The following TRPA1 variants were observed in gnomAD, a reference collection of about 807,000 sequenced individuals.
TRPA1 encodes ankyrin-like with transmembrane domains 1.
TRPA1 carries 129 observed loss-of-function variants against 131.3 expected under a neutral mutation model. That is an observed-to-expected ratio of 0.98 (90% CI 0.85 to 1.14). TRPA1 has a LOEUF of 1.14. TRPA1 is among the 50% of genes most tolerant of loss of function. The pLI, the probability that TRPA1 is intolerant of heterozygous loss-of-function variation, is 0.00. For missense variants in TRPA1, 1,304 were observed against 1,354.2 expected, an observed-to-expected ratio of 0.96 and a Z score of 0.58; for synonymous variants, 441 against 451.7, an observed-to-expected ratio of 0.98 and a Z score of 0.30.
intron 24 of TRPA1, among the ~76,000 whole-genome samples, chr8:72,026,346 C>T (rs1006012099): frequency 5.9e-5 from 9 of 152,206 alleles, no homozygotes; most frequent in African/African-American, 1.9e-4. Flanking sequence ...CAATTTTAGT[C>T]ACTTGCTGTT....
chr8:72,061,734 C>A lies in TRPA1; in HGVS notation c.835G>T (p.Ala279Ser), dbSNP rs1189203281. ...EKGRCTAIHF[A>S]ATQGATEIVK... ...ATCTCAGTGGCTCCCTGGGTGGCAG[C>A]AAAATGAATGGCTGTGCACCTTCCC... is the stretch of plus-strand genomic sequence containing the variant. The change falls in exon 7 of 27, where the codon GCT becomes TCT. Residue 279 changes from alanine to serine, a missense_variant. Coordinates refer to ENST00000262209, the MANE Select transcript of TRPA1 (RefSeq NM_007332.3). 1 of 1,613,852 alleles carries A rather than the reference C, an allele frequency of 6.2e-7. No homozygotes were observed. Among genetic ancestry groups the A allele is most frequent in the African/African-American group, 1.3e-5 (1 of 74,898 alleles).
chr8:72,075,660 G>T (rs13269625), upstream of TRPA1: 1 of 532,382 alleles, frequency 1.9e-6, no homozygotes, highest in Non-Finnish European at 3.4e-6. Flanking sequence ...GAAACGCGGA[G>T]CTCCTTCGCA....
chr8:72,038,508 G>A (rs1002490080), intron 19 of TRPA1, among the ~76,000 whole-genome samples: 3 of 151,948 alleles, frequency 2.0e-5, no homozygotes, highest in Non-Finnish European at 4.4e-5. Flanking sequence ...CATCTTGGAT[G>A]GAAACCACAT....
At chr8:72,054,705 G>A (rs902052059) in intron 12 of TRPA1, 3 of 152,308 alleles carry the variant, frequency 2.0e-5, no homozygotes, top group African/African-American at 7.2e-5. Context: ...ATTCATTCAT[G>A]TAGCTGTAGC....
chr8:72,076,163 G>A (rs1163832016), upstream of TRPA1, among the ~76,000 whole-genome samples: 1 of 152,092 alleles, frequency 6.6e-6, no homozygotes, highest in African/African-American at 2.4e-5. Flanking sequence ...TGAATATCAG[G>A]TCTCATTTCC....
At chr8:72,041,373 T>A (rs1303984954) in intron 17 of TRPA1, 1 of 151,958 alleles carries the variant, frequency 6.6e-6, no homozygotes, top group African/African-American at 2.4e-5. Context: ...CTAACAGACA[T>A]ACACAGAACA....
Position 72,023,043 on chromosome 8 carries a change from T to C in TRPA1, c.3223A>G (p.Ile1075Val), listed in dbSNP as rs1486971786. The change falls in exon 27 of 27, where the codon ATC becomes GTC. Residue 1075 changes from isoleucine (I) to valine (V), a missense_variant. Coordinates refer to ENST00000262209, the MANE Select transcript of TRPA1 (RefSeq NM_007332.3). ...IKLIIQKMEI[I>V]SETEDDDSHC... ...CTATCATCATCCTCTGTCTCAGAGA[T>C]GATCTCCATCTTCTGAATGATCAGT... The C allele has an allele frequency of 1.9e-6, 3 of 1,613,836 alleles. No individual in the cohort carries two copies. Among genetic ancestry groups the C allele is most frequent in the South Asian group, 1.1e-5 (1 of 91,076 alleles).
At chr8:72,082,882 A>T in the TRPA1 span, among the ~76,000 whole-genome samples, 1 of 151,654 alleles carries the variant, frequency 6.6e-6, no homozygotes, top group Non-Finnish European at 1.5e-5. Flanking sequence ...TAATTTCTTC[A>T]AATAATTTTT....
chr8:72,083,472 C>T, the TRPA1 span, among the ~76,000 whole-genome samples: 3 of 151,998 alleles, frequency 2.0e-5, no homozygotes, highest in Non-Finnish European at 2.9e-5. Context: ...CAGTGGCTCA[C>T]GCCTGTAATC....
chr8:72,056,763 T>G (rs1343523015), intron 10 of TRPA1, among the ~76,000 whole-genome samples, 154 bp downstream of exon 10: 1 of 152,168 alleles, frequency 6.6e-6, no homozygotes, highest in Non-Finnish European at 1.5e-5. Context: ...CATCACCATG[T>G]TGTAACTAAA....
upstream of TRPA1, among the ~76,000 whole-genome samples, chr8:72,077,196 G>A (rs182141333): frequency 8.7e-4 from 132 of 151,656 alleles, no homozygotes; most frequent in African/African-American, 3.0e-3. Flanking sequence ...GAGGATGTTC[G>A]AAGTGATCAT....
intron 17 of TRPA1, among the ~76,000 whole-genome samples, chr8:72,045,855 A>G (rs1246253867): frequency 1.3e-5 from 2 of 152,014 alleles, no homozygotes; most frequent in Non-Finnish European, 2.9e-5. Context: ...ACATAAAAGC[A>G]TCTTTTTAAA....
upstream of TRPA1, among the ~76,000 whole-genome samples, chr8:72,077,300 G>T (rs903088534): frequency 7.6e-6 from 1 of 131,674 alleles, no homozygotes; most frequent in African/African-American, 2.8e-5. Context: ...TGGGGGGGGG[G>T]GCAGCGTGGG....
At chr8:72,076,585 A>AC (rs1585897920), upstream of TRPA1, 1 of 151,892 alleles carries the variant, frequency 6.6e-6, no homozygotes, top group Non-Finnish European at 1.5e-5. Flanking sequence ...TTAACTCAAG[A>AC]CCCCCGTGGA....
chr8:72,030,774 A>G (rs1470411175), intron 23 of TRPA1, among the ~76,000 whole-genome samples: 5 of 151,908 alleles, frequency 3.3e-5, no homozygotes, highest in Admixed American at 2.6e-4. Flanking sequence ...TATATCTTAC[A>G]TATGTTCAGA....
At chr8:72,060,785 C>T (rs909419120) in intron 7 of TRPA1, among the ~76,000 whole-genome samples, 1 of 151,400 alleles carries the variant, frequency 6.6e-6, no homozygotes, top group Non-Finnish European at 1.5e-5. Context: ...TTTCCATTCA[C>T]ACATATCCTA....
intron 1 of TRPA1, among the ~76,000 whole-genome samples, chr8:72,074,081 T>C (rs1806122611): frequency 6.6e-6 from 1 of 152,222 alleles, no homozygotes; most frequent in Admixed American, 6.5e-5. Context: ...ACATACCTCT[T>C]GACCCTGCTA....
the TRPA1 span, among the ~76,000 whole-genome samples, chr8:72,081,751 G>C: frequency 6.6e-6 from 1 of 151,210 alleles, no homozygotes; most frequent in African/African-American, 2.4e-5. Flanking sequence ...TTTCCTTTAT[G>C]GTCTTTAGTA....
intron 17 of TRPA1, among the ~76,000 whole-genome samples, chr8:72,046,000 C>A (rs976643962): frequency 9.9e-5 from 15 of 151,954 alleles, no homozygotes; most frequent in African/African-American, 3.6e-4. Flanking sequence ...TACCTTGGAG[C>A]CCAGTGGCTA....
Sources: gnomAD v4.1 joint callset for allele counts (sites outside exome capture counted in the v4.1 genomes callset) on GRCh38, gnomAD v4.1.1 for gene constraint, MANE v1.5 for transcripts, NCBI Gene and HGNC (gene_info 2026-07-23, HGNC 2026-07-21) for gene names.